SEMA5B: variants seen among roughly 807,000 people sequenced by gnomAD.
SEMA5B encodes the protein semaphorin 5B, also known as semaphorin-5B.
Under a neutral mutation model 135.0 loss-of-function variants are expected in SEMA5B, and 66 were observed. The ratio of observed to expected loss-of-function variants is 0.49; its 90% CI spans 0.40 to 0.60. The LOEUF is 0.60. Among genes scored for constraint, SEMA5B ranks in the 20% least tolerant of loss-of-function variants. The pLI, the probability that SEMA5B is intolerant of heterozygous loss-of-function variation, is 0.00. For missense variants in SEMA5B, 1,501 were observed against 1,566.3 expected, an observed-to-expected ratio of 0.96 and a Z score of 0.70; for synonymous variants, 690 against 639.5, an observed-to-expected ratio of 1.08 and a Z score of -1.19.
chr3:122,956,023 G>A (rs1457796487), intron 2 of SEMA5B, among the ~76,000 whole-genome samples: 1 of 152,226 alleles, frequency 6.6e-6, no homozygotes, highest in East Asian at 1.9e-4. Context: ...AGTGAGCACA[G>A]ACAGCGACCC....
chr3:122,991,522 G>T (rs1205816316), intron 1 of SEMA5B, among the ~76,000 whole-genome samples: 1 of 152,144 alleles, frequency 6.6e-6, no homozygotes, highest in African/African-American at 2.4e-5. Flanking sequence ...ATCCTACAAG[G>T]CATAGGACAG....
chr3:122,912,347 A>C lies in SEMA5B; in HGVS notation c.2726-5T>G, dbSNP rs946388976. On this transcript the variant is annotated splice_polypyrimidine_tract_variant and splice_region_variant and intron_variant, in intron 18 of 22. Transcript: ENST00000357599. ...AGCAGGACCAAGCACCCCGAACTGC[A>C]AGGGGACGGGGTGTGTGAGGGGCTG... 1 of 1,586,422 alleles carries C rather than the reference A, an allele frequency of 6.3e-7. No homozygotes were observed. The highest frequency in any genetic ancestry group is 8.6e-7 in the Non-Finnish European group (1 of 1,166,326).
chr3:122,974,320 G>C (rs967990835), intron 1 of SEMA5B, among the ~76,000 whole-genome samples: 2 of 152,242 alleles, frequency 1.3e-5, no homozygotes, highest in African/African-American at 4.8e-5. Flanking sequence ...TGAAAGACAG[G>C]TCTGAGTGAA....
chr3:123,011,692 C>T (rs1942441234), intron 1 of SEMA5B, among the ~76,000 whole-genome samples: 1 of 152,200 alleles, frequency 6.6e-6, no homozygotes, highest in African/African-American at 2.4e-5. Flanking sequence ...AACAGAGGAA[C>T]AGGCACCAAG....
At chr3:122,948,106 G>A (rs1939871052) in intron 3 of SEMA5B, among the ~76,000 whole-genome samples, 1 of 152,160 alleles carries the variant, frequency 6.6e-6, no homozygotes, top group African/African-American at 2.4e-5. Flanking sequence ...AGACCCTAAA[G>A]AGAGGGATCC....
At chr3:122,942,581 TG>T (rs1165317624) in intron 4 of SEMA5B, among the ~76,000 whole-genome samples, 1 of 152,198 alleles carries the variant, frequency 6.6e-6, no homozygotes, top group Non-Finnish European at 1.5e-5. Context: ...CATCATGCTA[TG>T]TGATGCTGGG....
chr3:122,954,179 A>C (rs1462698610), intron 2 of SEMA5B, among the ~76,000 whole-genome samples: 1 of 152,204 alleles, frequency 6.6e-6, no homozygotes, highest in Non-Finnish European at 1.5e-5. Flanking sequence ...TCAGCCTCCC[A>C]AAATGCTGGG....
chr3:122,973,543 A>G (rs987076059), intron 1 of SEMA5B, among the ~76,000 whole-genome samples: 1 of 152,236 alleles, frequency 6.6e-6, no homozygotes, highest in African/African-American at 2.4e-5. Flanking sequence ...AAGAACACTG[A>G]GGCCAGTTCA....
At chr3:123,009,186 A>C (rs1284072811) in intron 1 of SEMA5B, among the ~76,000 whole-genome samples, 1 of 152,028 alleles carries the variant, frequency 6.6e-6, no homozygotes, top group Non-Finnish European at 1.5e-5. Context: ...GACTCCTATC[A>C]ATGCACCCAC....
chr3:122,929,117 C>G, intron 5 of SEMA5B, 59 bp from the exon 6 acceptor site: 1 of 1,508,758 alleles, frequency 6.6e-7, no homozygotes, highest in Non-Finnish European at 9.1e-7. Context: ...TACTGCCACT[C>G]ACTGGCAGAG....
intron 1 of SEMA5B, among the ~76,000 whole-genome samples, chr3:122,965,246 G>A (rs369716465): frequency 2.6e-5 from 4 of 152,180 alleles, no homozygotes; most frequent in African/African-American, 9.6e-5. Flanking sequence ...TTGCCTCCCT[G>A]AAATTCATTC....
chr3:122,975,834 C>G (rs1012564427), intron 1 of SEMA5B, among the ~76,000 whole-genome samples: 3 of 152,054 alleles, frequency 2.0e-5, no homozygotes, highest in Non-Finnish European at 2.9e-5. Flanking sequence ...AAAACCCCCA[C>G]CAGCTCCCCA....
chr3:123,008,793 A>T (rs570526467), intron 1 of SEMA5B, among the ~76,000 whole-genome samples: 5 of 152,166 alleles, frequency 3.3e-5, no homozygotes, highest in African/African-American at 9.7e-5. Flanking sequence ...AGGCATGGCT[A>T]TCCAAGCAGC....
At chr3:122,947,628 C>A (rs747690545) in intron 3 of SEMA5B, among the ~76,000 whole-genome samples, 1 of 152,232 alleles carries the variant, frequency 6.6e-6, no homozygotes, top group Non-Finnish European at 1.5e-5. Context: ...ACAAGCCTCT[C>A]TGGCCCACCA....
chr3:122,913,344 C>A lies in SEMA5B; in HGVS notation c.2361G>T (p.Val787=). 6.3e-7 allele frequency: 1 copy of A among 1,581,388 alleles called. No homozygotes were observed. Among genetic ancestry groups the A allele is most frequent in the Non-Finnish European group, 8.5e-7 (1 of 1,170,896 alleles). Residue 787 remains valine, a synonymous_variant, in exon 17 of 23, where the codon GTG becomes GTT. Coordinates refer to ENST00000357599, the MANE Select transcript of SEMA5B (RefSeq NM_001031702.4). ...GCTCCTGCCGTGCCCCGCCCTGCGT[C>A]ACGTTCACGGGCAGCCACGGCGTCC... is the stretch of plus-strand genomic sequence containing the variant. ...TPWTPWLPVN[V]TQGGARQEQR...
intron 1 of SEMA5B, among the ~76,000 whole-genome samples, chr3:122,987,813 T>C (rs1941748345): frequency 6.6e-6 from 1 of 152,110 alleles, no homozygotes; most frequent in African/African-American, 2.4e-5. Flanking sequence ...AGGACATAAG[T>C]AGTGAGTTTT....
intron 3 of SEMA5B, among the ~76,000 whole-genome samples, chr3:122,946,592 G>C (rs1211331180): frequency 6.6e-6 from 1 of 152,160 alleles, no homozygotes; most frequent in Non-Finnish European, 1.5e-5. Flanking sequence ...TGTGCTAAGG[G>C]ATGTGGGAAC....
intron 14 of SEMA5B, 42 bp from the exon 15 acceptor site, chr3:122,914,043 C>A (rs1277953069): frequency 2.0e-6 from 3 of 1,524,376 alleles, no homozygotes; most frequent in Non-Finnish European, 1.8e-6. Flanking sequence ...CCCCTCTGAG[C>A]CCTAGCTTCT....
In SEMA5B at chr3:123,008,515, A is replaced by G. The variant is rs139114068; in HGVS notation, c.-39+18949T>C. 5.9e-3 allele frequency among the ~76,000 whole-genome samples: 901 copies of G among 152,126 alleles called. 5 individuals carry two copies. Among genetic ancestry groups the G allele is most frequent in the Non-Finnish European group, 9.7e-3 (662 of 67,990 alleles). The stretch of plus-strand genomic sequence containing the variant: ...GATATAGCCCTGATGGGTGGGTGGG[A>G]TCTGAATGGGAGGAGAGGAGAGTGG... On this transcript the variant is annotated intron_variant, in intron 1 of 22. Transcript: ENST00000357599.
Sources: allele counts gnomAD v4.1 joint callset (sites outside exome capture counted in the v4.1 genomes callset), GRCh38; gene constraint gnomAD v4.1.1; transcripts MANE v1.5; gene names NCBI Gene and HGNC (gene_info 2026-07-23, HGNC 2026-07-21).